OSBPL10: variants seen among roughly 807,000 people sequenced by gnomAD.
OSBPL10 encodes oxysterol-binding protein-related protein 10.
A neutral mutation model predicts 81.7 loss-of-function variants in OSBPL10; 49 were observed. The ratio of observed to expected loss-of-function variants is 0.60; its 90% CI spans 0.48 to 0.76. The LOEUF is 0.76. OSBPL10 is among the 30% of genes least tolerant of loss of function. OSBPL10 has a pLI of 0.00. For synonymous variants in OSBPL10, 419 were observed against 383.6 expected, an observed-to-expected ratio of 1.09 and a Z score of -1.08; for missense variants, 923 against 987.8, an observed-to-expected ratio of 0.93 and a Z score of 0.88.
intron 2 of OSBPL10, among the ~76,000 whole-genome samples, chr3:31,877,327 T>C (rs1701500583): frequency 6.6e-6 from 1 of 152,190 alleles, no homozygotes; most frequent in South Asian, 2.1e-4. Context: ...ATTCATACGA[T>C]TGCAAAGAGC....
intron 3 of OSBPL10, among the ~76,000 whole-genome samples, chr3:31,848,735 G>T (rs1342824189): frequency 6.6e-6 from 1 of 152,100 alleles, no homozygotes; most frequent in Non-Finnish European, 1.5e-5. Context: ...GAGAGTCCAA[G>T]GCCATCTAAA....
At chr3:31,728,855 A>AT (rs1334280297) in intron 6 of OSBPL10, among the ~76,000 whole-genome samples, 2 of 152,058 alleles carry the variant, frequency 1.3e-5, no homozygotes, top group East Asian at 1.9e-4. Context: ...TGGATTTTGA[A>AT]TTTTTTTGGA....
intron 4 of OSBPL10, among the ~76,000 whole-genome samples, chr3:31,779,383 T>C (rs889566102): frequency 6.6e-5 from 10 of 152,096 alleles, no homozygotes; most frequent in Admixed American, 1.3e-4. Flanking sequence ...AGATATTCCA[T>C]GCAAATGGAC....
At chr3:32,076,324 C>T (rs1021970741) in intron 1 of OSBPL10, among the ~76,000 whole-genome samples, 24 of 151,596 alleles carry the variant, frequency 1.6e-4, no homozygotes, top group East Asian at 3.9e-4. Flanking sequence ...GCAGAGATTG[C>T]GCCACTGCAC....
intron 4 of OSBPL10, among the ~76,000 whole-genome samples, chr3:31,766,135 T>A (rs1410236873): frequency 1.3e-5 from 2 of 152,060 alleles, no homozygotes; most frequent in African/African-American, 4.8e-5. Context: ...TTTCTTCTCC[T>A]AATTCAGATG....
intron 6 of OSBPL10, among the ~76,000 whole-genome samples, chr3:31,720,904 A>AAAAAAAAC (rs1234644853): frequency 6.8e-6 from 1 of 147,456 alleles, no homozygotes; most frequent in African/African-American, 2.5e-5. Flanking sequence ...AAAAAAAAAA[A>AAAAAAAAC]GGCCCAAAGA....
Position 31,921,379 on chromosome 3 carries a change from A to AC in OSBPL10, c.282-41550dup, listed in dbSNP as rs559065217. 2.5e-4 allele frequency among the ~76,000 whole-genome samples: 38 copies of AC among 152,250 alleles called. No homozygotes were observed. The East Asian group carries it at 6.8e-3, about 27-fold the overall frequency. ...CCTTGGAAAAATGGCTGATTCTAAG[A>AC]CTGGGGCAGGAAATAACACAAGATG... is the stretch of plus-strand genomic sequence containing the variant. On this transcript the variant is annotated intron_variant, in intron 1 of 11. Coordinates refer to ENST00000396556, the MANE Select transcript of OSBPL10 (RefSeq NM_017784.5).
chr3:31,783,146 T>TATATATATATATATATATAGACACACAC (rs1485968747), intron 4 of OSBPL10, among the ~76,000 whole-genome samples: 1 of 113,036 alleles, frequency 8.8e-6, no homozygotes, highest in African/African-American at 3.8e-5. Flanking sequence ...TATATATATA[T>TATATATATATATATATATAGACACACAC]ACACACACAC....
At chr3:31,995,005 A>G (rs1184107254) in intron 2 of OSBPL10, among the ~76,000 whole-genome samples, 1 of 152,200 alleles carries the variant, frequency 6.6e-6, no homozygotes, top group Non-Finnish European at 1.5e-5. Context: ...CAGGATTTCA[A>G]AAGGGGAAGG....
chr3:31,982,723 G>T (rs1698875139), upstream of OSBPL10, among the ~76,000 whole-genome samples: 1 of 151,942 alleles, frequency 6.6e-6, no homozygotes, highest in Non-Finnish European at 1.5e-5. Context: ...TCTAACCTAT[G>T]ACCTTGATCA....
intron 3 of OSBPL10, among the ~76,000 whole-genome samples, chr3:31,852,029 A>G (rs1700779376): frequency 6.6e-6 from 1 of 152,142 alleles, no homozygotes; most frequent in South Asian, 2.1e-4. Context: ...ACACTGAAAC[A>G]CCATTCCCAG....
chr3:31,890,114 G>T (rs1695852147), intron 1 of OSBPL10, among the ~76,000 whole-genome samples: 2 of 150,736 alleles, frequency 1.3e-5, no homozygotes. Context: ...TGATTCAGAA[G>T]CACCCTCAAG....
chr3:31,980,209 G>A (rs181352432), intron 1 of OSBPL10, among the ~76,000 whole-genome samples: 190 of 152,024 alleles, frequency 1.2e-3, no homozygotes, highest in Middle Eastern at 3.4e-3. Flanking sequence ...TCACCATGTT[G>A]GCGAGGCTGG....
chr3:32,067,634 C>T (rs922835020), intron 1 of OSBPL10, among the ~76,000 whole-genome samples: 2 of 152,158 alleles, frequency 1.3e-5, no homozygotes, highest in African/African-American at 4.8e-5. Flanking sequence ...GATCAATGTA[C>T]TTTGTAATCT....
intron 2 of OSBPL10, among the ~76,000 whole-genome samples, chr3:32,018,262 G>A (rs1699333232): frequency 6.6e-6 from 1 of 152,130 alleles, no homozygotes; most frequent in Non-Finnish European, 1.5e-5. Context: ...AAAGAAGTTT[G>A]ATCCCAACCT....
At chr3:32,059,571 A>G (rs543296931) in intron 1 of OSBPL10, among the ~76,000 whole-genome samples, 2 of 152,146 alleles carry the variant, frequency 1.3e-5, no homozygotes, top group East Asian at 3.9e-4. Flanking sequence ...AGCCTGGGTG[A>G]CAGAGCAAGA....
At chr3:32,044,517 AGATCACTTGAGCTCGG>A (rs1219803435) in intron 2 of OSBPL10, among the ~76,000 whole-genome samples, 1 of 151,414 alleles carries the variant, frequency 6.6e-6, no homozygotes, top group Non-Finnish European at 1.5e-5. Flanking sequence ...CAAGGCGGGC[AGATCACTTGAGCTCGG>A]GAGTTAGCGA....
chr3:31,908,277 G>A (rs952748553), intron 1 of OSBPL10, among the ~76,000 whole-genome samples: 1 of 152,124 alleles, frequency 6.6e-6, no homozygotes, highest in Admixed American at 6.6e-5. Context: ...ACCCCAGGAG[G>A]GCTCTGAGCA....
chr3:31,740,842 GACC>G (rs1697320983), intron 5 of OSBPL10, among the ~76,000 whole-genome samples: 1 of 97,762 alleles, frequency 1.0e-5, no homozygotes, highest in Non-Finnish European at 1.8e-5. Flanking sequence ...AACTTAATAT[GACC>G]ACTACTAGAA....
Sources: allele counts gnomAD v4.1 joint callset (sites outside exome capture counted in the v4.1 genomes callset), GRCh38; gene constraint gnomAD v4.1.1; transcripts MANE v1.5; gene names NCBI Gene and HGNC (gene_info 2026-07-23, HGNC 2026-07-21).